The following RUNX2 variants were observed in gnomAD, a reference collection of about 807,000 sequenced individuals.
RUNX2 encodes the protein RUNX family transcription factor 2.
Under a neutral mutation model 51.7 loss-of-function variants are expected in RUNX2, and 10 were observed. The observed-to-expected ratio is 0.19, with a 90% CI of 0.12 to 0.33. The LOEUF (loss-of-function observed/expected upper bound fraction) is 0.33. Among genes scored for constraint, RUNX2 ranks in the 10% least tolerant of loss-of-function variants. The pLI is 1.00. For missense variants in RUNX2, 562 were observed against 691.3 expected (o/e 0.81, Z 2.10); for synonymous variants, 276 against 273.6 (o/e 1.01, Z -0.09).
intron 5 of RUNX2, among the ~76,000 whole-genome samples, chr6:45,439,654 C>T (rs370477506): frequency 1.7e-4 from 26 of 151,560 alleles, no homozygotes; most frequent in Non-Finnish European, 2.1e-4. Flanking sequence ...AAACCATTTG[C>T]GTGTGTTTGT....
chr6:45,549,941 T>G lies in RUNX2; in HGVS notation c.*2636T>G, dbSNP rs1430064374. 1.3e-5 allele frequency: 2 copies of G among 152,552 alleles called. No individual in the cohort carries two copies. Among genetic ancestry groups the G allele is most frequent in the Non-Finnish European group, 1.5e-5 (1 of 68,026 alleles). 9.4% of individuals were successfully genotyped at this position (152,552 alleles called of 1,614,324 possible). A position where few individuals can be genotyped will look rare whatever the true frequency, so the allele number is the denominator to read the frequency against. On this transcript the variant is annotated 3_prime_UTR_variant, in exon 9 of 9. Transcript: ENST00000647337. ...CCACCCCAATGGGGGTAATTCACATTTCTTAGAACAAATTCTGCCCTTTTT... is the reference window on the plus strand; with the variant it reads ...CCACCCCAATGGGGGTAATTCACATGTCTTAGAACAAATTCTGCCCTTTTT...
In RUNX2 at chr6:45,472,596, C is replaced by T. The variant is rs528383599; in HGVS notation, c.686-19345C>T. On this transcript the variant is annotated intron_variant, in intron 5 of 8. Transcript: ENST00000647337. Reference sequence around the variant, plus strand: ...TTAGGCAGTCTAAAGAAAACAGTCCCGGAGCAGCCTTTGGGCCTGCCTTGT... The same window carrying T: ...TTAGGCAGTCTAAAGAAAACAGTCCTGGAGCAGCCTTTGGGCCTGCCTTGT... Among the ~76,000 whole-genome samples, 7 of 152,286 alleles carry T rather than the reference C, an allele frequency of 4.6e-5. No individual in the cohort carries two copies. In the South Asian group the frequency reaches 1.0e-3, roughly 23 times the overall value.
chr6:45,474,517 A>G (rs1327479341), intron 5 of RUNX2, among the ~76,000 whole-genome samples: 3 of 152,014 alleles, frequency 2.0e-5, no homozygotes, highest in African/African-American at 4.8e-5. Context: ...TAGAAGAAAT[A>G]TAAACAAACC....
chr6:45,399,097 T>C (rs1410118026), intron 2 of RUNX2, among the ~76,000 whole-genome samples: 1 of 152,096 alleles, frequency 6.6e-6, no homozygotes, highest in Admixed American at 6.5e-5. Flanking sequence ...GAAAAATTAG[T>C]GATATTATTC....
chr6:45,400,262 G>A (rs189601337), intron 2 of RUNX2, among the ~76,000 whole-genome samples: 367 of 152,168 alleles, frequency 2.4e-3, no homozygotes, highest in African/African-American at 8.2e-3. Flanking sequence ...GGGAGGAAGG[G>A]AAATTAGAGA....
intron 6 of RUNX2, among the ~76,000 whole-genome samples, chr6:45,508,220 C>CTTTTTTTTTT (rs61501897): frequency 2.6e-4 from 17 of 65,648 alleles, no homozygotes; most frequent in East Asian, 1.9e-3. Context: ...CTTATATTTC[C>CTTTTTTTTTT]TTTTTTTTTT....
chr6:45,380,017 CAT>C (rs1167863960), intron 2 of RUNX2, among the ~76,000 whole-genome samples: 3 of 152,190 alleles, frequency 2.0e-5, no homozygotes, highest in Non-Finnish European at 4.4e-5. Context: ...TTTAAAGTCA[CAT>C]GAGTTAACCA....
intron 7 of RUNX2, among the ~76,000 whole-genome samples, chr6:45,521,159 TA>T (rs1801496939): frequency 6.6e-6 from 1 of 152,154 alleles, no homozygotes. Flanking sequence ...TAAGAATGTT[TA>T]ATGAAACAAG....
At chr6:45,466,934 C>T (rs1476525311) in intron 5 of RUNX2, among the ~76,000 whole-genome samples, 1 of 152,236 alleles carries the variant, frequency 6.6e-6, no homozygotes, top group Non-Finnish European at 1.5e-5. Context: ...TCCTTTCTTA[C>T]TCTTTTGAGA....
intron 2 of RUNX2, among the ~76,000 whole-genome samples, chr6:45,402,759 C>A (rs1450211576): frequency 1.3e-5 from 2 of 152,060 alleles, no homozygotes; most frequent in South Asian, 2.1e-4. Context: ...GTGGTCCCAG[C>A]AACTTTGGAG....
intron 3 of RUNX2, among the ~76,000 whole-genome samples, chr6:45,427,842 G>A (rs1798425379): frequency 6.6e-6 from 1 of 152,080 alleles, no homozygotes; most frequent in Non-Finnish European, 1.5e-5. Context: ...GTCATAAGGA[G>A]TCTCATACAA....
chr6:45,502,551 C>G (rs1040732415), intron 6 of RUNX2, among the ~76,000 whole-genome samples: 1 of 152,084 alleles, frequency 6.6e-6, no homozygotes, highest in Non-Finnish European at 1.5e-5. Flanking sequence ...CTTACCCATC[C>G]AGAACTCATC....
intron 7 of RUNX2, among the ~76,000 whole-genome samples, chr6:45,520,776 A>G (rs938042345): frequency 8.6e-5 from 13 of 151,946 alleles, no homozygotes; most frequent in Non-Finnish European, 1.6e-4. Context: ...GCTGGAGTGC[A>G]GTGGTGTGAT....
At chr6:45,330,711 T>C (rs755317996) in intron 2 of RUNX2, among the ~76,000 whole-genome samples, 15 of 151,924 alleles carry the variant, frequency 9.9e-5, no homozygotes, top group Non-Finnish European at 2.1e-4. Context: ...CAAGGCATGG[T>C]AGTGAACCTT....
chr6:45,545,483 C>G (rs1217921364), intron 8 of RUNX2, among the ~76,000 whole-genome samples: 1 of 152,184 alleles, frequency 6.6e-6, no homozygotes, highest in Non-Finnish European at 1.5e-5. Flanking sequence ...AATTAATAAC[C>G]TTCAATCAGC....
chr6:45,370,716 C>T (rs1050489210), intron 2 of RUNX2, among the ~76,000 whole-genome samples: 4 of 152,048 alleles, frequency 2.6e-5, no homozygotes, highest in African/African-American at 7.2e-5. Flanking sequence ...TACCCCCATC[C>T]TTTCTCTCTG....
At chr6:45,366,305 T>C (rs1203868733) in intron 2 of RUNX2, among the ~76,000 whole-genome samples, 1 of 152,196 alleles carries the variant, frequency 6.6e-6, no homozygotes, top group Non-Finnish European at 1.5e-5. Context: ...GAATCCCAGC[T>C]CCGCTCCTTT....
At chr6:45,446,556 G>C (rs1397196023) in intron 5 of RUNX2, among the ~76,000 whole-genome samples, 1 of 146,806 alleles carries the variant, frequency 6.8e-6, no homozygotes, top group Non-Finnish European at 1.5e-5. Flanking sequence ...GATAATTCCT[G>C]ATAGATCACT....
At chr6:45,386,542 C>G (rs886935809) in intron 2 of RUNX2, among the ~76,000 whole-genome samples, 1 of 152,184 alleles carries the variant, frequency 6.6e-6, no homozygotes, top group Admixed American at 6.5e-5. Flanking sequence ...GATAACTTCT[C>G]TGAACCTCAG....
Sources: gnomAD v4.1 joint callset for allele counts (sites outside exome capture counted in the v4.1 genomes callset) on GRCh38, gnomAD v4.1.1 for gene constraint, MANE v1.5 for transcripts, NCBI Gene and HGNC (gene_info 2026-07-23, HGNC 2026-07-21) for gene names.